The following CSMD1 variants were observed in gnomAD, a reference collection of about 807,000 sequenced individuals.
CSMD1 encodes CUB and Sushi multiple domains 1.
A neutral mutation model predicts 417.5 loss-of-function variants in CSMD1; 213 were observed. The observed-to-expected ratio is 0.51, with a 90% CI of 0.46 to 0.57. The LOEUF (loss-of-function observed/expected upper bound fraction) is 0.57. CSMD1 is among the 20% of genes least tolerant of loss of function. The pLI is 0.00. For synonymous variants in CSMD1, 2,862 were observed against 1,736.8 expected, an observed-to-expected ratio of 1.65 and a Z score of -16.11; for missense variants, 6,923 against 4,529.7, an observed-to-expected ratio of 1.53 and a Z score of -15.17.
chr8:4,954,197 A>T (rs1449000379), intron 1 of CSMD1, among the ~76,000 whole-genome samples: 1 of 152,228 alleles, frequency 6.6e-6, no homozygotes, highest in Admixed American at 6.5e-5. Flanking sequence ...AAAACACATT[A>T]TGTGTTCCCT....
At chr8:4,723,485 T>A (rs1657531015) in intron 1 of CSMD1, among the ~76,000 whole-genome samples, 1 of 152,192 alleles carries the variant, frequency 6.6e-6, no homozygotes, top group Non-Finnish European at 1.5e-5. Flanking sequence ...GTGTGTTACC[T>A]GACAACACGT....
rs757638862 is a variant in CSMD1 at position 2,955,700 on chromosome 8, C to T, written c.9883G>A (p.Gly3295Ser). ...TGGCAGGTGTACACTAAGGTGTAGC[C>T]GAAAGTAGGAAGATCGATGGCTCTC... is the stretch of plus-strand genomic sequence containing the variant. ...DVRAIDLPTFGYTLVYTCHPG... is the reference protein window; with the variant it reads ...DVRAIDLPTFSYTLVYTCHPG... The change falls in exon 64 of 70, where the codon GGC (glycine) becomes AGC (serine). Residue 3295 changes from glycine to serine, a missense_variant. Physicochemically the swap from Gly to Ser is moderately conservative, Grantham distance 56 (BLOSUM62 0). Transcript: ENST00000635120. The T allele has an allele frequency of 5.6e-6, 9 of 1,613,652 alleles. No homozygotes were observed. Among genetic ancestry groups the T allele is most frequent in the South Asian group, 5.5e-5 (5 of 91,048 alleles).
intron 1 of CSMD1, among the ~76,000 whole-genome samples, chr8:4,984,524 A>C (rs556094238): frequency 6.6e-6 from 1 of 152,196 alleles, no homozygotes; most frequent in African/African-American, 2.4e-5. Flanking sequence ...TGAAAAACAC[A>C]AAGTTTTCTT....
rs370216684 is a variant in CSMD1 at position 3,315,460 on chromosome 8, G to GTGTGTGTGTGTGTGTT, written c.3632-6958_3632-6957insAACACACACACACACA. Among the ~76,000 whole-genome samples the GTGTGTGTGTGTGTGTT allele has an allele frequency of 8.4e-3, 1,266 of 151,578 alleles. 9 individuals are homozygous for GTGTGTGTGTGTGTGTT. Among genetic ancestry groups the GTGTGTGTGTGTGTGTT allele is most frequent in the South Asian group, 0.015 (73 of 4,814 alleles). On this transcript the variant is annotated intron_variant, in intron 23 of 69. Transcript: ENST00000635120. ...TGAGTGTGTGTGTGTGTGTGTGTGT[G>GTGTGTGTGTGTGTGTT]TGATTTTTAAACTATCTTTTAAATT...
At chr8:4,621,526 C>T (rs1049121405) in intron 2 of CSMD1, among the ~76,000 whole-genome samples, 8 of 151,922 alleles carry the variant, frequency 5.3e-5, no homozygotes, top group African/African-American at 1.2e-4. Context: ...TCTATACAGC[C>T]CTAAATCTAG....
At chr8:4,408,397 T>C (rs758930220) in intron 3 of CSMD1, among the ~76,000 whole-genome samples, 3 of 152,222 alleles carry the variant, frequency 2.0e-5, no homozygotes, top group African/African-American at 7.2e-5. Context: ...TTTTACCCTA[T>C]GAAAGGATTC....
intron 1 of CSMD1, among the ~76,000 whole-genome samples, chr8:4,815,751 A>T (rs1405222786): frequency 6.6e-6 from 1 of 151,624 alleles, no homozygotes; most frequent in African/African-American, 2.4e-5. Flanking sequence ...TCTTTTTAAA[A>T]GGAGTTTATA....
At chr8:4,105,505 A>C (rs1801522426) in intron 3 of CSMD1, among the ~76,000 whole-genome samples, 1 of 152,222 alleles carries the variant, frequency 6.6e-6, no homozygotes, top group Non-Finnish European at 1.5e-5. Context: ...AGATGGTTCT[A>C]GGCTTCATTA....
chr8:3,479,507 C>T (rs879506962), intron 11 of CSMD1, among the ~76,000 whole-genome samples: 11 of 152,242 alleles, frequency 7.2e-5, no homozygotes, highest in Middle Eastern at 3.4e-3. Context: ...CTTGAACTCC[C>T]GACCTTAGGT....
chr8:4,057,066 G>C (rs1235389727), intron 3 of CSMD1, among the ~76,000 whole-genome samples: 1 of 152,142 alleles, frequency 6.6e-6, no homozygotes, highest in Non-Finnish European at 1.5e-5. Flanking sequence ...TGGGATGCCT[G>C]GGTCAAATGG....
At chr8:4,449,459 C>T (rs933215422) in intron 2 of CSMD1, among the ~76,000 whole-genome samples, 1 of 152,102 alleles carries the variant, frequency 6.6e-6, no homozygotes, top group African/African-American at 2.4e-5. Flanking sequence ...GTTGATAATT[C>T]AGTTATTAAA....
chr8:4,628,610 G>A (rs1802304105), intron 2 of CSMD1, among the ~76,000 whole-genome samples: 2 of 72,684 alleles, frequency 2.8e-5, no homozygotes, highest in Non-Finnish European at 6.6e-5. Flanking sequence ...AAAAGAAAAT[G>A]TTAAAAAAAA....
At chr8:4,845,478 G>A (rs928832604) in intron 1 of CSMD1, among the ~76,000 whole-genome samples, 3 of 152,208 alleles carry the variant, frequency 2.0e-5, no homozygotes, top group African/African-American at 7.2e-5. Context: ...CAAAACATCT[G>A]AACGACAATT....
At chr8:2,945,934 C>G (rs1802201781) in intron 68 of CSMD1, among the ~76,000 whole-genome samples, 2 of 152,200 alleles carry the variant, frequency 1.3e-5, no homozygotes, top group African/African-American at 4.8e-5. Context: ...ATTATTGAAA[C>G]AAATGCACAT....
intron 5 of CSMD1, among the ~76,000 whole-genome samples, chr8:3,824,949 T>A (rs985002650): frequency 6.6e-6 from 1 of 151,252 alleles, no homozygotes; most frequent in Non-Finnish European, 1.5e-5. Flanking sequence ...ATGATTAATC[T>A]GATTTTTTAA....
At chr8:3,355,192 C>T (rs1808701296) in intron 21 of CSMD1, among the ~76,000 whole-genome samples, 1 of 151,478 alleles carries the variant, frequency 6.6e-6, no homozygotes, top group South Asian at 2.1e-4. Context: ...CACTTTCATT[C>T]ATTTTTTAAA....
At chr8:3,779,064 G>T (rs914698323) in intron 5 of CSMD1, among the ~76,000 whole-genome samples, 1 of 151,872 alleles carries the variant, frequency 6.6e-6, no homozygotes, top group Non-Finnish European at 1.5e-5. Flanking sequence ...TACCATTCCT[G>T]TTCTCCTCTA....
At chr8:4,180,204 T>G (rs1175753637) in intron 3 of CSMD1, among the ~76,000 whole-genome samples, 1 of 151,746 alleles carries the variant, frequency 6.6e-6, no homozygotes, top group Non-Finnish European at 1.5e-5. Context: ...TAGACTGGAT[T>G]AAGAAAATGT....
intron 18 of CSMD1, among the ~76,000 whole-genome samples, chr8:3,372,567 C>G (rs570377241): frequency 4.6e-5 from 7 of 152,110 alleles, no homozygotes; most frequent in Admixed American, 3.3e-4. Context: ...GTGGGACTTT[C>G]TCCTGAATGG....
Sources: allele counts gnomAD v4.1 joint callset (sites outside exome capture counted in the v4.1 genomes callset), GRCh38; gene constraint gnomAD v4.1.1; transcripts MANE v1.5; gene names NCBI Gene and HGNC (gene_info 2026-07-23, HGNC 2026-07-21).